Variants in ANKIB1 observed in about 807,000 individuals in gnomAD.
ANKIB1 encodes ankyrin repeat and IBR domain containing 1, also known as ankyrin repeat and IBR domain-containing protein 1.
In ANKIB1, 43 loss-of-function variants were observed where a neutral mutation model predicts 122.1. The ratio of observed to expected loss-of-function variants is 0.35; its 90% CI spans 0.28 to 0.45. The LOEUF is 0.45. Among genes scored for constraint, ANKIB1 ranks in the 20% least tolerant of loss-of-function variants. The pLI, the probability that ANKIB1 is intolerant of heterozygous loss-of-function variation, is 1.00. For missense variants in ANKIB1, 992 were observed against 1,329.5 expected (o/e 0.75, Z 3.95); for synonymous variants, 390 against 442.0 (o/e 0.88, Z 1.48).
At chr7:92,396,721 A>G (rs969203528) in intron 18 of ANKIB1, among the ~76,000 whole-genome samples, 2 of 152,100 alleles carry the variant, frequency 1.3e-5, no homozygotes, top group African/African-American at 4.8e-5. Flanking sequence ...TCAGGTCACA[A>G]CCTCTCTAAG....
intron 16 of ANKIB1, among the ~76,000 whole-genome samples, chr7:92,391,657 A>C (rs1804787103): frequency 6.6e-6 from 1 of 152,134 alleles, no homozygotes; most frequent in African/African-American, 2.4e-5. Context: ...TAATATATAT[A>C]GTGATTTGAT....
chr7:92,372,454 A>G (rs184363860), intron 11 of ANKIB1, among the ~76,000 whole-genome samples: 1 of 152,262 alleles, frequency 6.6e-6, no homozygotes, highest in Non-Finnish European at 1.5e-5. Flanking sequence ...CTTGGAACCA[A>G]TCCTCCATGG....
chr7:92,250,891 A>AT (rs1801316559), intron 1 of ANKIB1, among the ~76,000 whole-genome samples: 2 of 152,184 alleles, frequency 1.3e-5, no homozygotes. Context: ...TCTATCATTA[A>AT]TTTTTAACCA....
At chr7:92,386,158 A>T (rs1170225158) in intron 11 of ANKIB1, among the ~76,000 whole-genome samples, 1 of 152,190 alleles carries the variant, frequency 6.6e-6, no homozygotes. Flanking sequence ...AGTTTTTCAG[A>T]TAGACTGGTG....
intron 9 of ANKIB1, among the ~76,000 whole-genome samples, chr7:92,359,858 A>G (rs1276531862): frequency 2.0e-5 from 3 of 152,188 alleles, no homozygotes; most frequent in Admixed American, 6.5e-5. Flanking sequence ...CCTGGGCTCC[A>G]TTGATTCTTC....
intron 4 of ANKIB1, among the ~76,000 whole-genome samples, chr7:92,323,133 A>G (rs1224180047): frequency 1.3e-5 from 2 of 152,176 alleles, no homozygotes; most frequent in Non-Finnish European, 1.5e-5. Flanking sequence ...TATAGTTCCT[A>G]TATGTCTTTA....
In ANKIB1 at chr7:92,389,963, CT is replaced by C; in HGVS notation, c.1907-3del. The C allele has an allele frequency of 1.3e-6, 2 of 1,578,928 alleles. No homozygotes were observed. The highest frequency in any genetic ancestry group is 1.2e-5 in the South Asian group (1 of 81,522). The stretch of plus-strand genomic sequence containing the variant: ...AAACAAATTCACTGTGCCTCAATTA[CT>C]TTTTAGCTGAAGGAGGCTGTCCAGA... On this transcript the variant is annotated splice_region_variant and splice_polypyrimidine_tract_variant and intron_variant, in intron 14 of 19. Transcript: ENST00000265742.
chr7:92,380,732 AC>A (rs2115673953), intron 11 of ANKIB1, among the ~76,000 whole-genome samples: 1 of 152,298 alleles, frequency 6.6e-6, no homozygotes, highest in South Asian at 2.1e-4. Context: ...GGACATCCAC[AC>A]CAAAACCCCA....
At chr7:92,293,907 AT>A (rs992547163) in intron 1 of ANKIB1, among the ~76,000 whole-genome samples, 8 of 152,172 alleles carry the variant, frequency 5.3e-5, no homozygotes, top group African/African-American at 1.9e-4. Context: ...TGAAACTAGC[AT>A]TTATTGGACT....
chr7:92,320,943 T>C (rs913684596), intron 4 of ANKIB1, among the ~76,000 whole-genome samples: 1 of 152,184 alleles, frequency 6.6e-6, no homozygotes, highest in African/African-American at 2.4e-5. Flanking sequence ...TCAGACCTTT[T>C]TTCCCCGGCA....
At chr7:92,381,766 G>C (rs1178317029) in intron 11 of ANKIB1, among the ~76,000 whole-genome samples, 1 of 152,062 alleles carries the variant, frequency 6.6e-6, no homozygotes, top group African/African-American at 2.4e-5. Flanking sequence ...AGGAACAACT[G>C]GTACCAGCCA....
Position 92,331,130 on chromosome 7 carries a change from A to T in ANKIB1, c.787+3230A>T, listed in dbSNP as rs928678977. ...GGTTAGGGTAGGCTGCTGCTGAACA[A>T]AAATGTAGGATTAAATACAGTAAAC... On this transcript the variant is annotated intron_variant, in intron 5 of 19. Coordinates refer to ENST00000265742, the MANE Select transcript of ANKIB1 (RefSeq NM_019004.2). Among the ~76,000 whole-genome samples, 3 of 152,328 alleles carry T rather than the reference A, an allele frequency of 2.0e-5. No individual in the cohort carries two copies. In the East Asian group the frequency reaches 5.8e-4, roughly 29 times the overall value.
chr7:92,303,422 G>C (rs534592399), intron 2 of ANKIB1, among the ~76,000 whole-genome samples: 1 of 152,292 alleles, frequency 6.6e-6, no homozygotes, highest in South Asian at 2.1e-4. Context: ...AGGGAAACCT[G>C]TGATTCTGCC....
At chr7:92,380,548 G>A (rs978992269) in intron 11 of ANKIB1, among the ~76,000 whole-genome samples, 3 of 152,196 alleles carry the variant, frequency 2.0e-5, no homozygotes, top group African/African-American at 7.2e-5. Context: ...GAAGGACCAG[G>A]CAGCAATATT....
intron 12 of ANKIB1, among the ~76,000 whole-genome samples, chr7:92,387,488 T>G (rs533750904): frequency 6.6e-6 from 1 of 151,874 alleles, no homozygotes; most frequent in Non-Finnish European, 1.5e-5. Flanking sequence ...ATACAAAAAT[T>G]ACCCAGGCAT....
At chr7:92,319,565 A>T in intron 4 of ANKIB1, 53 bp downstream of exon 4, 1 of 1,538,496 alleles carries the variant, frequency 6.5e-7, no homozygotes, top group Non-Finnish European at 8.8e-7. Context: ...TTTAGATTTT[A>T]TGTTGTTTTG....
chr7:92,259,399 C>A (rs1801514570), intron 1 of ANKIB1, among the ~76,000 whole-genome samples: 1 of 152,148 alleles, frequency 6.6e-6, no homozygotes, highest in Non-Finnish European at 1.5e-5. Context: ...TTTCTGTATA[C>A]TTCTGTCTCC....
chr7:92,247,335 G>A lies in ANKIB1; in HGVS notation c.-91+816G>A, dbSNP rs577468541. Among the ~76,000 whole-genome samples, 5 of 152,352 alleles carry A rather than the reference G, an allele frequency of 3.3e-5. No individual in the cohort carries two copies. The South Asian group carries it at 1.0e-3, about 32-fold the overall frequency. ...CTTAATTTGTGAAGTATGTGGGTATGTGTAAGGTGTAAAAATCTGTGTATT... is the reference window on the plus strand; with the variant it reads ...CTTAATTTGTGAAGTATGTGGGTATATGTAAGGTGTAAAAATCTGTGTATT... On this transcript the variant is annotated intron_variant, in intron 1 of 19. Transcript: ENST00000265742.
intron 11 of ANKIB1, among the ~76,000 whole-genome samples, chr7:92,376,181 A>G (rs928661655): frequency 9.2e-5 from 14 of 152,236 alleles, no homozygotes; most frequent in Non-Finnish European, 1.5e-5. Flanking sequence ...GTAAATGAGC[A>G]TTGGCTTCAA....
Sources: gnomAD v4.1 joint callset for allele counts (sites outside exome capture counted in the v4.1 genomes callset) on GRCh38, gnomAD v4.1.1 for gene constraint, MANE v1.5 for transcripts, NCBI Gene and HGNC (gene_info 2026-07-23, HGNC 2026-07-21) for gene names.